Variants in CC2D2B observed in about 807,000 individuals in gnomAD.
CC2D2B encodes coiled-coil and C2 domain containing 2B.
Under a neutral mutation model 161.2 loss-of-function variants are expected in CC2D2B, and 128 were observed. That is an observed-to-expected ratio of 0.79 (90% confidence interval 0.69 to 0.92). The LOEUF is 0.92. CC2D2B is among the 40% of genes least tolerant of loss of function. CC2D2B has a pLI of 0.00. For missense variants in CC2D2B, 1,173 were observed against 1,375.1 expected (o/e 0.85, Z 2.32); for synonymous variants, 391 against 449.8 (o/e 0.87, Z 1.65).
chr10:96,032,019 G>C lies in CC2D2B; in HGVS notation c.*11G>C, dbSNP rs771840653. On this transcript the variant is annotated 3_prime_UTR_variant, in exon 35 of 35. Coordinates refer to ENST00000646931, the MANE Select transcript of CC2D2B (RefSeq NM_001349008.3). ...GTTCAACATCAATGAAAAGGAAGCA[G>C]AGCAAAGTAAAAGATTGTACTATAG... The C allele has an allele frequency of 6.2e-7, 1 of 1,604,594 alleles. No homozygotes were observed. The highest frequency in any genetic ancestry group is 8.5e-7 in the Non-Finnish European group (1 of 1,173,278).
chr10:95,996,484 T>C (rs1427076793), intron 24 of CC2D2B, among the ~76,000 whole-genome samples: 2 of 152,198 alleles, frequency 1.3e-5, no homozygotes, highest in Non-Finnish European at 2.9e-5. Context: ...TGAATATCTA[T>C]GTATTTACCA....
At position 96,019,766 on chromosome 10, in the gene CC2D2B, G is replaced by A; in HGVS notation, c.3830G>A (p.Ser1277Asn). 1 of 1,603,906 alleles carries A rather than the reference G, an allele frequency of 6.2e-7. No individual in the cohort carries two copies. The highest frequency in any genetic ancestry group is 1.7e-5 in the Admixed American group (1 of 57,202). The change falls in exon 32 of 35, where the codon AGT becomes AAT. Residue 1277 changes from serine (S) to asparagine (N), a missense_variant. Coordinates refer to ENST00000646931, the MANE Select transcript of CC2D2B (RefSeq NM_001349008.3). ...GTATTTTTTGACTATTCAAAGGAAAGTTTCTGGAAGCAGTTGCTTCCAAAA... is the reference window on the plus strand; with the variant it reads ...GTATTTTTTGACTATTCAAAGGAAAATTTCTGGAAGCAGTTGCTTCCAAAA... The part of the protein sequence containing the change: ...MAVFFDYSKE[S>N]FWKQLLPKNV...
intron 33 of CC2D2B, among the ~76,000 whole-genome samples, chr10:96,025,195 AT>A (rs1564684556): frequency 0.04 from 1,108 of 27,754 alleles, 81 homozygotes; most frequent in Non-Finnish European, 0.08. Context: ...AAAAAAAAAT[AT>A]ATATATATAT....
At chr10:95,942,381 T>TA (rs1321287858) in intron 9 of CC2D2B, among the ~76,000 whole-genome samples, 1 of 152,178 alleles carries the variant, frequency 6.6e-6, no homozygotes, top group Non-Finnish European at 1.5e-5. Flanking sequence ...TTTTGCTTTT[T>TA]AAAAAATTCT....
At chr10:95,995,578 T>C (rs2078198970) in intron 23 of CC2D2B, among the ~76,000 whole-genome samples, 1 of 152,210 alleles carries the variant, frequency 6.6e-6, no homozygotes, top group African/African-American at 2.4e-5. Flanking sequence ...TTAAAATGGC[T>C]ACAAAATCTT....
At chr10:95,947,082 A>ATATAT (rs2076223662) in intron 9 of CC2D2B, among the ~76,000 whole-genome samples, 6 of 39,484 alleles carry the variant, frequency 1.5e-4, no homozygotes, top group Non-Finnish European at 3.2e-4. Flanking sequence ...TGGACTCAAA[A>ATATAT]ATATATATAT....
intron 9 of CC2D2B, among the ~76,000 whole-genome samples, chr10:95,939,577 G>A (rs1390058447): frequency 2.0e-5 from 3 of 152,110 alleles, no homozygotes; most frequent in Non-Finnish European, 4.4e-5. Flanking sequence ...TTTCTAAAGT[G>A]GTTGTACCAA....
At chr10:95,961,719 G>T in intron 11 of CC2D2B, 110 bp from the exon 12 acceptor site, 1 of 467,334 alleles carries the variant, frequency 2.1e-6, no homozygotes, top group South Asian at 1.2e-4. Context: ...AAAAGAATAA[G>T]GTGGGGAGGG....
intron 9 of CC2D2B, among the ~76,000 whole-genome samples, chr10:95,946,974 A>G (rs2076217768): frequency 6.6e-6 from 1 of 150,970 alleles, no homozygotes; most frequent in Non-Finnish European, 1.5e-5. Flanking sequence ...ATCAGGCTGC[A>G]TATGCTAAGT....
chr10:96,009,490 A>G (rs1293828870), intron 25 of CC2D2B, among the ~76,000 whole-genome samples: 1 of 152,168 alleles, frequency 6.6e-6, no homozygotes, highest in Non-Finnish European at 1.5e-5. Flanking sequence ...CTATCTGTAC[A>G]TAATACAGTA....
chr10:95,957,884 C>T (rs755371496), intron 11 of CC2D2B, among the ~76,000 whole-genome samples: 3 of 148,540 alleles, frequency 2.0e-5, no homozygotes, highest in Non-Finnish European at 3.0e-5. Flanking sequence ...AAAAAAATAA[C>T]AATAACAAAA....
intron 25 of CC2D2B, among the ~76,000 whole-genome samples, chr10:96,006,403 T>G (rs2078750675): frequency 6.6e-6 from 1 of 150,766 alleles, no homozygotes; most frequent in Non-Finnish European, 1.5e-5. Flanking sequence ...AACATTTTCT[T>G]GCTTGGCCTA....
chr10:95,993,952 G>GTATATA (rs1169560460), intron 22 of CC2D2B, among the ~76,000 whole-genome samples: 13 of 18,126 alleles, frequency 7.2e-4, no homozygotes, highest in South Asian at 4.7e-3. Context: ...GTATGTATGT[G>GTATATA]TATATATATA....
chr10:95,996,491 A>G (rs1010529430), intron 24 of CC2D2B, among the ~76,000 whole-genome samples: 4 of 152,212 alleles, frequency 2.6e-5, no homozygotes, highest in African/African-American at 7.2e-5. Context: ...CTATGTATTT[A>G]CCATCCAGCT....
At chr10:96,016,643 G>A (rs984587307) in intron 30 of CC2D2B, among the ~76,000 whole-genome samples, 5 of 152,164 alleles carry the variant, frequency 3.3e-5, no homozygotes, top group African/African-American at 1.2e-4. Context: ...GATGGTGGTG[G>A]TAATGTAGTA....
intron 9 of CC2D2B, among the ~76,000 whole-genome samples, chr10:95,941,218 A>G (rs2076011550): frequency 6.6e-6 from 1 of 152,232 alleles, no homozygotes; most frequent in South Asian, 2.1e-4. Flanking sequence ...CTTAAAAACA[A>G]TACCTGAAAC....
At chr10:95,964,241 C>A (rs982271772) in intron 12 of CC2D2B, among the ~76,000 whole-genome samples, 2 of 152,088 alleles carry the variant, frequency 1.3e-5, no homozygotes, top group African/African-American at 2.4e-5. Context: ...AGCTATAGAC[C>A]CTGCTTCAAT....
intron 21 of CC2D2B, among the ~76,000 whole-genome samples, chr10:95,992,237 G>GATCA (rs1333132596): frequency 4.6e-5 from 7 of 152,160 alleles, no homozygotes; most frequent in African/African-American, 1.7e-4. Context: ...TCTTCCAAAA[G>GATCA]ATCATCATGT....
rs1410459668 is a variant in CC2D2B, at chr10:96,033,422, T to G, written c.*1414T>G. ...GCATGCATAAGAAAACTGATCAGAA[T>G]TTTTACTTTTATTTGAATGTTTTTG... On this transcript the variant is annotated 3_prime_UTR_variant, in exon 35 of 35. Coordinates refer to ENST00000646931, the MANE Select transcript of CC2D2B (RefSeq NM_001349008.3). Among the ~76,000 whole-genome samples the G allele has an allele frequency of 6.6e-6, 1 of 152,138 alleles. No homozygotes were observed. Among genetic ancestry groups the G allele is most frequent in the Admixed American group, 6.6e-5 (1 of 15,256 alleles).
Sources: gnomAD v4.1 joint callset for allele counts (sites outside exome capture counted in the v4.1 genomes callset) on GRCh38, gnomAD v4.1.1 for gene constraint, MANE v1.5 for transcripts, NCBI Gene and HGNC (gene_info 2026-07-23, HGNC 2026-07-21) for gene names.